The following HOXC4 variants were observed in gnomAD, a reference collection of about 807,000 sequenced individuals.
The protein encoded by HOXC4 is homeobox protein Hox-C4.
In HOXC4, 15 loss-of-function variants were observed where a neutral mutation model predicts 25.5. The ratio of observed to expected loss-of-function variants is 0.59; its 90% CI spans 0.39 to 0.91. HOXC4 has a LOEUF of 0.91. Ranked by LOEUF, HOXC4 falls within the 40% of genes least tolerant of loss-of-function variation. The probability of loss-of-function intolerance (pLI) is 0.00; values close to 1 mark genes in which losing one functional copy is unlikely to be tolerated. For missense variants in HOXC4, 342 were observed against 352.4 expected (o/e 0.97, Z 0.24); for synonymous variants, 165 against 148.0 (o/e 1.11, Z -0.83).
intron 1 of HOXC4, among the ~76,000 whole-genome samples, chr12:54,036,957 G>C (rs934937688): frequency 6.6e-5 from 10 of 152,220 alleles, no homozygotes; most frequent in Non-Finnish European, 1.0e-4. Context: ...ATGTTGGTTA[G>C]AGCTGCCAGG....
At chr12:54,036,600 C>T (rs543353735) in intron 1 of HOXC4, among the ~76,000 whole-genome samples, 3 of 152,312 alleles carry the variant, frequency 2.0e-5, no homozygotes, top group South Asian at 2.1e-4. Flanking sequence ...CCTTCCCCTT[C>T]GCACTGCACT....
chr12:54,041,023 C>A (rs555593990), intron 1 of HOXC4, among the ~76,000 whole-genome samples: 1 of 133,088 alleles, frequency 7.5e-6, no homozygotes, highest in African/African-American at 2.8e-5. Flanking sequence ...TGTTTAAACC[C>A]CTTCCCTTCC....
chr12:54,031,925 G>A (rs1182409903), intron 1 of HOXC4, among the ~76,000 whole-genome samples: 1 of 152,168 alleles, frequency 6.6e-6, no homozygotes, highest in Non-Finnish European at 1.5e-5. Flanking sequence ...TGAACCTTAT[G>A]GATTCAGGTC....
intron 1 of HOXC4, chr12:54,047,880 C>G (rs1468613826): frequency 1.3e-5 from 2 of 152,256 alleles, no homozygotes; most frequent in Admixed American, 6.5e-5. Context: ...AGTTGAAGGC[C>G]GCTCCCCAGA....
chr12:54,033,361 C>CCGCTCCGGGACA (rs1279016195), intron 1 of HOXC4: 26 of 1,612,820 alleles, frequency 1.6e-5, no homozygotes, highest in Non-Finnish European at 2.0e-5. Flanking sequence ...AGCGCCGCGG[C>CCGCTCCGGGACA]CGCTCCGGGA....
chr12:54,044,710 TGTGA>T (rs1937656102), intron 1 of HOXC4, among the ~76,000 whole-genome samples: 2 of 138,184 alleles, frequency 1.4e-5, no homozygotes, highest in Admixed American at 7.1e-5. Flanking sequence ...TGCAGGGGTG[TGTGA>T]GTGTGTGTGT....
At chr12:54,033,097 A>G (rs1181553776) in intron 1 of HOXC4, 1 of 1,586,814 alleles carries the variant, frequency 6.3e-7, no homozygotes, top group Non-Finnish European at 8.6e-7. Flanking sequence ...AAAAGGGTGC[A>G]GAAATTTTTT....
intron 1 of HOXC4, chr12:54,030,088 G>C: frequency 2.0e-6 from 2 of 994,258 alleles, no homozygotes; most frequent in Non-Finnish European, 2.9e-6. Context: ...AACAAAATTA[G>C]GGAGTCAAAC....
chr12:54,033,600 C>T (rs1247942607), intron 1 of HOXC4: 7 of 1,513,502 alleles, frequency 4.6e-6, no homozygotes, highest in Non-Finnish European at 6.2e-6. Flanking sequence ...CTTCATTTTG[C>T]GCTCTCGGGT....
At chr12:54,034,337 A>G in intron 1 of HOXC4, 1 of 1,614,198 alleles carries the variant, frequency 6.2e-7, no homozygotes, top group Non-Finnish European at 8.5e-7. Flanking sequence ...GGAACTCGAG[A>G]AAGAATTCCA....
At chr12:54,037,307 A>T (rs1316120217) in intron 1 of HOXC4, among the ~76,000 whole-genome samples, 1 of 152,158 alleles carries the variant, frequency 6.6e-6, no homozygotes, top group African/African-American at 2.4e-5. Context: ...CTCCTAGAAC[A>T]TATTTCCAGG....
Position 54,053,879 on chromosome 12 carries a change from A to G in HOXC4, c.-44A>G, listed in dbSNP as rs775689517. ...CTAGTAGGAGGGCTTTATGGAGCAG[A>G]AAAACGACAAAGCGAGAAAAATTAT... On this transcript the variant is annotated 5_prime_UTR_variant, in exon 1 of 2. Transcript: ENST00000430889. The G allele has an allele frequency of 1.3e-6, 2 of 1,521,946 alleles. No individual in the cohort carries two copies. The highest frequency in any genetic ancestry group is 2.4e-5 in the South Asian group (2 of 83,384). The allele number at this position is 1,521,946 out of a possible 1,614,324, so 94.3% of individuals were successfully genotyped here.
chr12:54,031,851 G>GC (rs1941000493), intron 1 of HOXC4, among the ~76,000 whole-genome samples: 1 of 152,168 alleles, frequency 6.6e-6, no homozygotes, highest in African/African-American at 2.4e-5. Context: ...CTACCCAGGC[G>GC]CCTGCCCTGC....
chr12:54,019,146 G>A (rs1219029811), intron 1 of HOXC4, among the ~76,000 whole-genome samples: 2 of 150,268 alleles, frequency 1.3e-5, no homozygotes, highest in African/African-American at 2.5e-5. Flanking sequence ...TCTCCCGCGG[G>A]AAGAAATGGC....
At chr12:54,031,444 C>T (rs928489028) in intron 1 of HOXC4, among the ~76,000 whole-genome samples, 7 of 152,150 alleles carry the variant, frequency 4.6e-5, no homozygotes, top group Non-Finnish European at 1.0e-4. Context: ...CTGACGTGGC[C>T]GGGACAAAAT....
chr12:54,050,338 T>C (rs531448473), upstream of HOXC4, among the ~76,000 whole-genome samples: 420 of 152,120 alleles, frequency 2.8e-3, 1 homozygote, highest in African/African-American at 9.7e-3. Context: ...AGAAAGGAGA[T>C]GGGGTGGAGG....
chr12:54,030,721 T>C (rs961217135), intron 1 of HOXC4: 2 of 152,312 alleles, frequency 1.3e-5, no homozygotes, highest in African/African-American at 4.8e-5. Flanking sequence ...TAGGAGAAAA[T>C]AAATAAATAA....
chr12:54,026,939 C>CA (rs1940732772), intron 1 of HOXC4, among the ~76,000 whole-genome samples: 1 of 141,674 alleles, frequency 7.1e-6, no homozygotes. Flanking sequence ...CCAGCTTTCC[C>CA]CCCCCCCAAC....
rs913837122 is a variant in HOXC4, at chr12:54,055,931, G to A, written c.*726G>A. ...ATCGTGGTTATTGTGTTTTTGGACT[G>A]AATTTACTTGATTATTGTAAAACTT... is the stretch of plus-strand genomic sequence containing the variant. On this transcript the variant is annotated 3_prime_UTR_variant, in exon 2 of 2. Coordinates refer to ENST00000430889, the MANE Select transcript of HOXC4 (RefSeq NM_153633.3). 2.0e-5 allele frequency: 3 copies of A among 152,610 alleles called. No individual in the cohort carries two copies. The highest frequency in any genetic ancestry group is 4.4e-5 in the Non-Finnish European group (3 of 68,028). 9.5% of individuals were successfully genotyped at this position (152,610 alleles called of 1,614,324 possible).
Sources: gnomAD v4.1 joint callset for allele counts (sites outside exome capture counted in the v4.1 genomes callset) on GRCh38, gnomAD v4.1.1 for gene constraint, MANE v1.5 for transcripts, NCBI Gene and HGNC (gene_info 2026-07-23, HGNC 2026-07-21) for gene names.